The following PRKD1 variants were observed in gnomAD, a reference collection of about 807,000 sequenced individuals.
The protein encoded by PRKD1 is protein kinase D1.
Under a neutral mutation model 95.9 loss-of-function variants are expected in PRKD1, and 63 were observed. The ratio of observed to expected loss-of-function variants is 0.66; its 90% confidence interval spans 0.54 to 0.81. The LOEUF (loss-of-function observed/expected upper bound fraction) is 0.81, where lower values mean the gene tolerates loss of function less well. Ranked by LOEUF, PRKD1 falls within the 30% of genes least tolerant of loss-of-function variation. The pLI is 0.00. For missense variants in PRKD1, 1,048 were observed against 1,165.3 expected (o/e 0.90, Z 1.47); for synonymous variants, 425 against 423.1 (o/e 1.00, Z -0.05).
intron 1 of PRKD1, among the ~76,000 whole-genome samples, chr14:29,870,992 A>ATT (rs1482562508): frequency 6.6e-6 from 1 of 152,202 alleles, no homozygotes; most frequent in African/African-American, 2.4e-5. Flanking sequence ...TACCTTTGCT[A>ATT]TTTCACAAAC....
At chr14:29,779,965 C>T (rs1229462927) in intron 1 of PRKD1, among the ~76,000 whole-genome samples, 2 of 151,938 alleles carry the variant, frequency 1.3e-5, no homozygotes, top group Non-Finnish European at 2.9e-5. Flanking sequence ...ACAGAACAGA[C>T]CCCTCAGAAA....
In PRKD1 at chr14:29,580,838, T is replaced by C. The variant is rs45585438; in HGVS notation, c.2435-2478A>G. Among the ~76,000 whole-genome samples, 3 of 152,242 alleles carry C rather than the reference T, an allele frequency of 2.0e-5. No individual in the cohort carries two copies. In the East Asian group the frequency reaches 5.8e-4, roughly 29 times the overall value. On this transcript the variant is annotated intron_variant, in intron 16 of 17. Coordinates refer to ENST00000331968, the MANE Select transcript of PRKD1 (RefSeq NM_002742.3). Reference sequence around the variant, plus strand: ...GTATTATGTATGTATAAATCATTCATTTATCTGTTCATTCACCAAATCTTC... The same window carrying C: ...GTATTATGTATGTATAAATCATTCACTTATCTGTTCATTCACCAAATCTTC...
At chr14:29,884,737 G>A (rs187785941) in intron 1 of PRKD1, among the ~76,000 whole-genome samples, 2 of 152,312 alleles carry the variant, frequency 1.3e-5, no homozygotes, top group East Asian at 3.9e-4. Flanking sequence ...ACTGAGCGTG[G>A]AGAAGGAGGC....
At chr14:29,729,040 A>T (rs556355132) in intron 1 of PRKD1, among the ~76,000 whole-genome samples, 13 of 152,060 alleles carry the variant, frequency 8.5e-5, no homozygotes, top group Non-Finnish European at 1.9e-4. Context: ...TAAAAAGCCC[A>T]CTCTATCATG....
chr14:29,681,903 A>C (rs1883559542), intron 2 of PRKD1, among the ~76,000 whole-genome samples: 1 of 152,224 alleles, frequency 6.6e-6, no homozygotes, highest in Admixed American at 6.5e-5. Flanking sequence ...GATTAGTACA[A>C]GCCAATAATA....
intron 16 of PRKD1, among the ~76,000 whole-genome samples, chr14:29,582,480 C>T (rs953143022): frequency 3.3e-5 from 5 of 152,178 alleles, no homozygotes; most frequent in African/African-American, 9.6e-5. Context: ...AAAATTACCA[C>T]GGCTCTAAAA....
intron 1 of PRKD1, among the ~76,000 whole-genome samples, chr14:29,823,770 T>C (rs1891010082): frequency 6.6e-6 from 1 of 152,182 alleles, no homozygotes; most frequent in Admixed American, 6.5e-5. Context: ...TATTTGATTC[T>C]CAATTGTAAA....
intron 1 of PRKD1, among the ~76,000 whole-genome samples, chr14:29,784,920 T>A (rs1218695655): frequency 6.6e-6 from 1 of 152,218 alleles, no homozygotes; most frequent in Non-Finnish European, 1.5e-5. Context: ...CTGTAGACTT[T>A]AGGGCAGCTT....
At chr14:29,772,366 G>C (rs116890777) in intron 1 of PRKD1, among the ~76,000 whole-genome samples, 1 of 152,070 alleles carries the variant, frequency 6.6e-6, no homozygotes, top group Non-Finnish European at 1.5e-5. Flanking sequence ...ATGCAGCTAG[G>C]AGACAACATC....
At chr14:29,802,775 A>G (rs953130471) in intron 1 of PRKD1, among the ~76,000 whole-genome samples, 1 of 152,208 alleles carries the variant, frequency 6.6e-6, no homozygotes, top group African/African-American at 2.4e-5. Flanking sequence ...TTATGTTTCA[A>G]TTCTGAGCCA....
rs1197710142 is a variant in PRKD1, at chr14:29,639,113, A to AG, written c.697-210_697-209insC. ...CTTGCTTGTATAATCTTAAAAAAAA[A>AG]AGAGAATTGGAGATCAGAATGTTTA... On this transcript the variant is annotated intron_variant, in intron 4 of 17. Transcript: ENST00000331968. 2.0e-5 allele frequency among the ~76,000 whole-genome samples: 3 copies of AG among 152,092 alleles called. No individual in the cohort carries two copies. The East Asian group carries it at 5.8e-4, about 29-fold the overall frequency.
intron 1 of PRKD1, among the ~76,000 whole-genome samples, chr14:29,826,678 T>TATATATACACACATATATATAC (rs756432146): frequency 1.4e-5 from 1 of 71,208 alleles, no homozygotes; most frequent in Non-Finnish European, 2.7e-5. Context: ...TATGTGTATA[T>TATATATACACACATATATATAC]ATATATACAC....
chr14:29,752,891 T>TA (rs1033467944), intron 1 of PRKD1, among the ~76,000 whole-genome samples: 1 of 152,074 alleles, frequency 6.6e-6, no homozygotes, highest in South Asian at 2.1e-4. Flanking sequence ...GAAAATAAGA[T>TA]AAAAAAACCT....
intron 2 of PRKD1, among the ~76,000 whole-genome samples, 172 bp from the exon 3 acceptor site, chr14:29,666,380 T>C (rs540022427): frequency 2.0e-5 from 3 of 152,042 alleles, no homozygotes; most frequent in South Asian, 2.1e-4. Context: ...TTCCCAGCCA[T>C]AGTTTTACAG....
chr14:29,763,047 G>T (rs1594494404), intron 1 of PRKD1, among the ~76,000 whole-genome samples: 1 of 146,960 alleles, frequency 6.8e-6, no homozygotes, highest in Non-Finnish European at 1.5e-5. Context: ...CCCAGCCTAT[G>T]CTAAGGTGTT....
Position 29,711,457 on chromosome 14 carries a change from ATGT to A in PRKD1, c.403+14076_403+14078del, listed in dbSNP as rs1295820440. On this transcript the variant is annotated intron_variant, in intron 2 of 17. Transcript: ENST00000331968. Reference sequence around the variant, plus strand: ...CAGAAGTAAATAAGACAGTGGAATAATGTTGTGGGGTTTCTTTTCCTTCATTGG... The same window carrying A: ...CAGAAGTAAATAAGACAGTGGAATAATGTGGGGTTTCTTTTCCTTCATTGG... Among the ~76,000 whole-genome samples the A allele has an allele frequency of 2.6e-5, 4 of 152,284 alleles. No individual in the cohort carries two copies. In the South Asian group the frequency reaches 6.2e-4, roughly 24 times the overall value.
At chr14:29,725,099 T>C (rs902898164) in intron 2 of PRKD1, among the ~76,000 whole-genome samples, 4 of 152,174 alleles carry the variant, frequency 2.6e-5, no homozygotes, top group Non-Finnish European at 5.9e-5. Flanking sequence ...GCTTACCTCA[T>C]AGCTACTGGA....
chr14:29,857,624 T>C (rs975736792), intron 1 of PRKD1, among the ~76,000 whole-genome samples: 1 of 152,214 alleles, frequency 6.6e-6, no homozygotes, highest in Non-Finnish European at 1.5e-5. Context: ...GTTATGCTTA[T>C]ATTATGTCTC....
intron 1 of PRKD1, among the ~76,000 whole-genome samples, chr14:29,846,598 G>A (rs1245127380): frequency 6.6e-6 from 1 of 152,152 alleles, no homozygotes; most frequent in Non-Finnish European, 1.5e-5. Flanking sequence ...AAGTGTGTTT[G>A]GTTTCACTGA....
Sources: gnomAD v4.1 joint callset for allele counts (sites outside exome capture counted in the v4.1 genomes callset) on GRCh38, gnomAD v4.1.1 for gene constraint, MANE v1.5 for transcripts, NCBI Gene and HGNC (gene_info 2026-07-23, HGNC 2026-07-21) for gene names.